NR2F1: variants seen among roughly 807,000 people sequenced by gnomAD.
NR2F1 encodes the protein COUP transcription factor 1.
In NR2F1, 1 loss-of-function variant was observed where a neutral mutation model predicts 37.7. That is an observed-to-expected ratio of 0.03 (90% CI 0.01 to 0.13). NR2F1 has a LOEUF of 0.13. Ranked by LOEUF, NR2F1 falls within the 10% of genes least tolerant of loss-of-function variation. NR2F1 has a pLI of 1.00. For synonymous variants in NR2F1, 275 were observed against 259.6 expected, an observed-to-expected ratio of 1.06 and a Z score of -0.57; for missense variants, 268 against 578.4, an observed-to-expected ratio of 0.46 and a Z score of 5.50.
chr5:93,585,515 C>G (rs746420132), intron 1 of NR2F1, 29 bp downstream of exon 1: 4 of 1,567,356 alleles, frequency 2.6e-6, no homozygotes, highest in Non-Finnish European at 3.5e-6. Flanking sequence ...CTTCTCTCCC[C>G]GCGCTTCGCC....
chr5:93,591,226 G>A (rs1047025782), intron 2 of NR2F1, among the ~76,000 whole-genome samples: 3 of 152,174 alleles, frequency 2.0e-5, no homozygotes, highest in Non-Finnish European at 4.4e-5. Context: ...AGTGTGACAT[G>A]GATTTTGCAC....
At chr5:93,587,719 C>A in intron 1 of NR2F1, 198 bp from the exon 2 acceptor site, 1 of 596,080 alleles carries the variant, frequency 1.7e-6, no homozygotes, top group Non-Finnish European at 2.9e-6. Flanking sequence ...AGTGGCTGGA[C>A]ACACTGAGCT....
intron 2 of NR2F1, among the ~76,000 whole-genome samples, chr5:93,590,707 C>A (rs748405334): frequency 6.6e-6 from 1 of 152,176 alleles, no homozygotes; most frequent in South Asian, 2.1e-4. Context: ...AACTTTTAAG[C>A]AAACTTTGAA....
At chr5:93,589,277 AT>A (rs2149943775) in intron 2 of NR2F1, among the ~76,000 whole-genome samples, 1 of 152,378 alleles carries the variant, frequency 6.6e-6, no homozygotes, top group African/African-American at 2.4e-5. Flanking sequence ...CATGTTAACA[AT>A]TTCTCTTATG....
In NR2F1 at chr5:93,593,368, G is replaced by A. The variant is rs1282920013; in HGVS notation, c.992-194G>A. ...GATTTATTTTTATTTGTATTGTATT[G>A]GGGGCGGGGGAGGAGGGAATGAAGA... is the stretch of plus-strand genomic sequence containing the variant. On this transcript the variant is annotated intron_variant, in intron 2 of 2. Transcript: ENST00000327111. This position sits in a 1 kb window ranked among gnomAD's most constrained non-coding sequence, Gnocchi z 5.6. Among the ~76,000 whole-genome samples the A allele has an allele frequency of 6.6e-6, 1 of 152,062 alleles. No individual in the cohort carries two copies. Among genetic ancestry groups the A allele is most frequent in the Non-Finnish European group, 1.5e-5 (1 of 68,028 alleles).
rs950017315 is a variant in NR2F1, at chr5:93,584,320, T to G, written c.-704T>G. On this transcript the variant is annotated 5_prime_UTR_variant, in exon 1 of 3. Coordinates refer to ENST00000327111, the MANE Select transcript of NR2F1 (RefSeq NM_005654.6). ...GCCTGCAGCCGCGACCTCCTCCTCC[T>G]CCGCCGCCGCCGCCGCCTCCGCCCT... 38 of 148,974 alleles carry G rather than the reference T, an allele frequency of 2.6e-4. No individual in the cohort carries two copies. Among genetic ancestry groups the G allele is most frequent in the East Asian group, 4.0e-4 (2 of 4,990 alleles). 9.2% of individuals were successfully genotyped at this position (148,974 alleles called of 1,614,324 possible). A position where few individuals can be genotyped will look rare whatever the true frequency, so the allele number is the denominator to read the frequency against.
Position 93,593,920 on chromosome 5 carries a change from G to T in NR2F1, c.*78G>T. 2.1e-6 allele frequency: 3 copies of T among 1,445,900 alleles called. No individual in the cohort carries two copies. The highest frequency in any genetic ancestry group is 2.8e-6 in the Non-Finnish European group (3 of 1,058,542). 89.6% of individuals were successfully genotyped at this position (1,445,900 alleles called of 1,614,324 possible). On this transcript the variant is annotated 3_prime_UTR_variant, in exon 3 of 3. Transcript: ENST00000327111. This position sits in a 1 kb window ranked among gnomAD's most constrained non-coding sequence, Gnocchi z 5.6. Reference sequence around the variant, plus strand: ...CTGGGCCAAGGACTCCAAAGCCGCGGGGACACCGGGAAGTGCAGCGGGCCA... The same window carrying T: ...CTGGGCCAAGGACTCCAAAGCCGCGTGGACACCGGGAAGTGCAGCGGGCCA...
At position 93,594,037 on chromosome 5, in the gene NR2F1, T is replaced by A. The variant is rs946445775; in HGVS notation, c.*195T>A. The stretch of plus-strand genomic sequence containing the variant: ...GCTACAAAGCATGGGAAAAAGAGAC[T>A]CTTTTAGGATCAGATCTGTGAGCAC... On this transcript the variant is annotated 3_prime_UTR_variant, in exon 3 of 3. Coordinates refer to ENST00000327111, the MANE Select transcript of NR2F1 (RefSeq NM_005654.6). The A allele has an allele frequency of 7.2e-6, 4 of 558,108 alleles. No individual in the cohort carries two copies. The highest frequency in any genetic ancestry group is 1.3e-5 in the Non-Finnish European group (4 of 317,806). 34.6% of individuals were successfully genotyped at this position (558,108 alleles called of 1,614,324 possible).
chr5:93,593,474 A>T lies in NR2F1; in HGVS notation c.992-88A>T. 7.3e-7 allele frequency: 1 copy of T among 1,376,916 alleles called. No homozygotes were observed. Among genetic ancestry groups the T allele is most frequent in the South Asian group, 1.4e-5 (1 of 73,578 alleles). 85.3% of individuals were successfully genotyped at this position (1,376,916 alleles called of 1,614,324 possible). ...TATTTTCCATTTTCTCCTTAAAAAA[A>T]ATTGATGGCTTATTTTGCCTTTGCT... On this transcript the variant is annotated intron_variant, in intron 2 of 2. Transcript: ENST00000327111. The surrounding 1 kb of genome is among the most constrained non-coding windows in gnomAD (Gnocchi z 5.6).
At position 93,593,477 on chromosome 5, in the gene NR2F1, T is replaced by C; in HGVS notation, c.992-85T>C. ...TTTCCATTTTCTCCTTAAAAAAAAT[T>C]GATGGCTTATTTTGCCTTTGCTATT... On this transcript the variant is annotated intron_variant, in intron 2 of 2. Transcript: ENST00000327111. The surrounding 1 kb of genome is among the most constrained non-coding windows in gnomAD (Gnocchi z 5.6). 7.2e-7 allele frequency: 1 copy of C among 1,383,422 alleles called. No individual in the cohort carries two copies. The highest frequency in any genetic ancestry group is 9.9e-7 in the Non-Finnish European group (1 of 1,014,718). The allele number at this position is 1,383,422 out of a possible 1,614,324, so 85.7% of individuals were successfully genotyped here. A position where few individuals can be genotyped will look rare whatever the true frequency, so the allele number is the denominator to read the frequency against.
Position 93,593,704 on chromosome 5 carries a change from C to T in NR2F1, c.1134C>T (p.Arg378=), listed in dbSNP as rs755004144. 4.3e-6 allele frequency: 7 copies of T among 1,614,102 alleles called. No individual in the cohort carries two copies. Among genetic ancestry groups the T allele is most frequent in the Non-Finnish European group, 5.9e-6 (7 of 1,180,052 alleles). The part of the protein sequence containing the change: ...GKLLLRLPSL[R]TVSSSVIEQL... ...TGCTGCTGCGACTGCCCTCGCTGCG[C>T]ACCGTGTCCTCCTCCGTCATCGAGC... is the stretch of plus-strand genomic sequence containing the variant. Residue 378 remains arginine (R), a synonymous_variant, in exon 3 of 3, where the codon CGC becomes CGT. Coordinates refer to ENST00000327111, the MANE Select transcript of NR2F1 (RefSeq NM_005654.6). This position sits in a 1 kb window ranked among gnomAD's most constrained non-coding sequence, Gnocchi z 5.6.
intron 2 of NR2F1, 95 bp downstream of exon 2, chr5:93,588,539 G>C: frequency 1.2e-6 from 1 of 852,048 alleles, no homozygotes; most frequent in Non-Finnish European, 1.4e-6. Flanking sequence ...CCGCGCGGCC[G>C]GTGCGGGGCG....
Position 93,585,249 on chromosome 5 carries a change from G to T in NR2F1, c.226G>T (p.Gly76Cys). Residue 76 changes from glycine (G) to cysteine (C), a missense_variant, in exon 1 of 3, where the codon GGT becomes TGT. By Grantham distance (159) the Gly-to-Cys change is radical (BLOSUM62 -3). Coordinates refer to ENST00000327111, the MANE Select transcript of NR2F1 (RefSeq NM_005654.6). ...TAGDKGQGPP[G>C]SGQSQQHIEC... Reference sequence around the variant, plus strand: ...GGGGGACAAGGGCCAGGGCCCGCCCGGTTCGGGCCAGAGCCAGCAGCACAT... The same window carrying T: ...GGGGGACAAGGGCCAGGGCCCGCCCTGTTCGGGCCAGAGCCAGCAGCACAT... 6.4e-7 allele frequency: 1 copy of T among 1,569,978 alleles called. No homozygotes were observed. The highest frequency in any genetic ancestry group is 8.6e-7 in the Non-Finnish European group (1 of 1,157,932).
Position 93,588,501 on chromosome 5 carries a change from G to C in NR2F1, c.991+57G>C, listed in dbSNP as rs1753271357. On this transcript the variant is annotated intron_variant, in intron 2 of 2. Coordinates refer to ENST00000327111, the MANE Select transcript of NR2F1 (RefSeq NM_005654.6). ...CGCCGGCAGCGAGCGCAGGCCCCGC[G>C]CCGCCCGGGCCTGGCCTTCGGAGCC... 3.1e-6 allele frequency: 4 copies of C among 1,300,254 alleles called. No individual in the cohort carries two copies. The South Asian group carries it at 6.8e-5, about 22-fold the overall frequency. 80.5% of individuals were successfully genotyped at this position (1,300,254 alleles called of 1,614,324 possible).
chr5:93,587,879 G>A, intron 1 of NR2F1, 38 bp from the exon 2 acceptor site: 1 of 1,533,422 alleles, frequency 6.5e-7, no homozygotes, highest in Non-Finnish European at 8.8e-7. Context: ...AAGCTCCCTG[G>A]ATGCACATTG....
intron 2 of NR2F1, among the ~76,000 whole-genome samples, chr5:93,591,520 A>G: frequency 6.6e-6 from 1 of 152,196 alleles, no homozygotes; most frequent in East Asian, 1.9e-4. Flanking sequence ...AAAGGAGGGA[A>G]GAAATGGAAG....
At chr5:93,585,551 C>G (rs1212886091) in intron 1 of NR2F1, 65 bp downstream of exon 1, 9 of 1,369,974 alleles carry the variant, frequency 6.6e-6, no homozygotes, top group Non-Finnish European at 9.2e-6. Context: ...TTCTTTCTTT[C>G]TCGCCCGGGT....
Position 93,593,558 on chromosome 5 carries a change from G to T in NR2F1, c.992-4G>T. On this transcript the variant is annotated splice_region_variant and splice_polypyrimidine_tract_variant and intron_variant, in intron 2 of 2. Coordinates refer to ENST00000327111, the MANE Select transcript of NR2F1 (RefSeq NM_005654.6). This position sits in a 1 kb window ranked among gnomAD's most constrained non-coding sequence, Gnocchi z 5.6. ...GTCTCTCCCTCCTGTGGCTGCTTGG[G>T]CAGACGCCTGTGGCCTGTCGGATGC... is the stretch of plus-strand genomic sequence containing the variant. 6.2e-7 allele frequency: 1 copy of T among 1,610,082 alleles called. No individual in the cohort carries two copies. The highest frequency in any genetic ancestry group is 8.5e-7 in the Non-Finnish European group (1 of 1,176,980).
rs766881564 is a variant in NR2F1, at chr5:93,588,378, C to G, written c.925C>G (p.Leu309Val). 3 of 1,612,924 alleles carry G rather than the reference C, an allele frequency of 1.9e-6. No homozygotes were observed. Among genetic ancestry groups the G allele is most frequent in the Non-Finnish European group, 2.5e-6 (3 of 1,179,812 alleles). ...CATCTTCCAGGAGCAGGTGGAGAAGCTCAAGGCGCTACACGTCGACTCAGC... is the reference window on the plus strand; with the variant it reads ...CATCTTCCAGGAGCAGGTGGAGAAGGTCAAGGCGCTACACGTCGACTCAGC... ...IRIFQEQVEK[L>V]KALHVDSAEY... Residue 309 changes from leucine (L) to valine (V), a missense_variant, in exon 2 of 3, where the codon CTC (leucine) becomes GTC (valine). Physicochemically the swap from Leu to Val is conservative, Grantham distance 32. This residue lies in a region of NR2F1 where 99 missense variants were observed against 191.9 expected (regional missense o/e 0.52). Transcript: ENST00000327111.
Sources: allele counts gnomAD v4.1 joint callset (sites outside exome capture counted in the v4.1 genomes callset), GRCh38; gene constraint gnomAD v4.1.1; regional missense constraint gnomAD v4.1.1; non-coding constraint Gnocchi (gnomAD v3.1); transcripts MANE v1.5; gene names NCBI Gene and HGNC (gene_info 2026-07-23, HGNC 2026-07-21).